The following ZNF503 variants were observed in gnomAD, a reference collection of about 807,000 sequenced individuals.
ZNF503 encodes NocA-like zinc finger 2.
In ZNF503, 15 loss-of-function variants were observed where a neutral mutation model predicts 34.4. That is an observed-to-expected ratio of 0.44 (90% CI 0.29 to 0.67). The LOEUF (loss-of-function observed/expected upper bound fraction) is 0.67. Ranked by LOEUF, ZNF503 falls within the 30% of genes least tolerant of loss-of-function variation. ZNF503 has a pLI of 0.13. For missense variants in ZNF503, 1,007 were observed against 926.8 expected (o/e 1.09, Z -1.12); for synonymous variants, 580 against 456.8 (o/e 1.27, Z -3.44).
chr10:75,346,951 C>T, the ZNF503 span, among the ~76,000 whole-genome samples: 4 of 152,084 alleles, frequency 2.6e-5, no homozygotes, highest in Non-Finnish European at 5.9e-5. Flanking sequence ...CCTGGCCAGG[C>T]GCCCCCATTT....
the ZNF503 span, among the ~76,000 whole-genome samples, chr10:75,333,571 T>G: frequency 1.2e-5 from 1 of 81,652 alleles, no homozygotes; most frequent in Non-Finnish European, 2.4e-5. Context: ...ACGGGGCAGC[T>G]GGCCGGGCGG....
the ZNF503 span, among the ~76,000 whole-genome samples, chr10:75,299,293 G>GT: frequency 5.9e-5 from 9 of 152,236 alleles, no homozygotes; most frequent in Admixed American, 1.3e-4. Flanking sequence ...TGAGGTAAGA[G>GT]TTTAAGTTTA....
At chr10:75,304,882 A>T in the ZNF503 span, among the ~76,000 whole-genome samples, 1 of 152,164 alleles carries the variant, frequency 6.6e-6, no homozygotes, top group South Asian at 2.1e-4. Context: ...CAAAACTAGA[A>T]CTCACAGATG....
the ZNF503 span, among the ~76,000 whole-genome samples, chr10:75,348,032 G>A: frequency 2.0e-5 from 3 of 151,338 alleles, no homozygotes; most frequent in Non-Finnish European, 4.4e-5. Flanking sequence ...ACAGGCACCC[G>A]CCACCACACC....
the ZNF503 span, among the ~76,000 whole-genome samples, chr10:75,329,112 G>C: frequency 6.6e-6 from 1 of 152,000 alleles, no homozygotes; most frequent in African/African-American, 2.4e-5. Context: ...AAAGATCATA[G>C]AGATCTTTTA....
chr10:75,369,118 C>A, the ZNF503 span, among the ~76,000 whole-genome samples: 1 of 152,124 alleles, frequency 6.6e-6, no homozygotes, highest in African/African-American at 2.4e-5. Flanking sequence ...AGTTGCAAAA[C>A]AGTGGGTATA....
At chr10:75,339,189 C>A in the ZNF503 span, among the ~76,000 whole-genome samples, 1 of 152,256 alleles carries the variant, frequency 6.6e-6, no homozygotes, top group South Asian at 2.1e-4. Flanking sequence ...CGAGATCGTG[C>A]CATTGCACTC....
In ZNF503 at chr10:75,399,683, A is replaced by T. The variant is rs765913693; in HGVS notation, c.1007T>A (p.Leu336Gln). Reference protein sequence around the residue: ...PTSSSVLGSGLVAPVSPYKPG... With the variant: ...PTSSSVLGSGQVAPVSPYKPG... ...CTTGTAGGGTGACACGGGAGCCACCAGCCCAGAGCCCAACACTGAGGAGGA... is the reference window on the plus strand; with the variant it reads ...CTTGTAGGGTGACACGGGAGCCACCTGCCCAGAGCCCAACACTGAGGAGGA... The change falls in exon 2 of 2, where the codon CTG becomes CAG. Residue 336 changes from leucine to glutamine, a missense_variant. By Grantham distance (113) the Leu-to-Gln change is moderately radical. Coordinates refer to ENST00000372524, the MANE Select transcript of ZNF503 (RefSeq NM_032772.6). 1 of 1,600,030 alleles carries T rather than the reference A, an allele frequency of 6.2e-7. No homozygotes were observed. The highest frequency in any genetic ancestry group is 8.5e-7 in the Non-Finnish European group (1 of 1,179,324).
the ZNF503 span, among the ~76,000 whole-genome samples, chr10:75,383,163 G>T: frequency 6.6e-6 from 1 of 152,174 alleles, no homozygotes; most frequent in Admixed American, 6.5e-5. Context: ...CCTGGGAGAA[G>T]GTTGGGCTTT....
chr10:75,375,898 G>C, the ZNF503 span, among the ~76,000 whole-genome samples: 1 of 152,180 alleles, frequency 6.6e-6, no homozygotes, highest in Non-Finnish European at 1.5e-5. Flanking sequence ...TGAAATGCAA[G>C]GGATTCTGGA....
chr10:75,401,185 T>A lies in ZNF503; in HGVS notation c.235A>T (p.Met79Leu). The A allele has an allele frequency of 6.2e-7, 1 of 1,609,972 alleles. No homozygotes were observed. Among genetic ancestry groups the A allele is most frequent in the Non-Finnish European group, 8.5e-7 (1 of 1,177,628 alleles). ...ANRLPIKVLK[M>L]LTARTGHILH... ...ATGTGGCCAGTTCGTGCCGTCAGCA[T>A]CTTCAGCACCTTGATTGGCAGGCGG... The change falls in exon 1 of 2, where the codon ATG becomes TTG. Residue 79 changes from methionine to leucine, a missense_variant. Met to Leu is a conservative substitution (Grantham distance 15, BLOSUM62 2). Transcript: ENST00000372524.
the ZNF503 span, among the ~76,000 whole-genome samples, chr10:75,379,966 T>C: frequency 6.6e-6 from 1 of 152,164 alleles, no homozygotes; most frequent in South Asian, 2.1e-4. Flanking sequence ...ACCCACAGCA[T>C]GGCCTGCTCA....
At chr10:75,279,859 T>C in the ZNF503 span, 1 of 152,194 alleles carries the variant, frequency 6.6e-6, no homozygotes, top group African/African-American at 2.4e-5. Flanking sequence ...ATAACTCACA[T>C]GGCAGAAGGC....
Position 75,401,495 on chromosome 10 carries a change from G to A in ZNF503, c.-76C>T, listed in dbSNP as rs1843821903. The A allele has an allele frequency of 2.1e-6, 3 of 1,457,838 alleles. No individual in the cohort carries two copies. Among genetic ancestry groups the A allele is most frequent in the East Asian group, 2.9e-5 (1 of 34,934 alleles). The allele number at this position is 1,457,838 out of a possible 1,614,324, so 90.3% of individuals were successfully genotyped here. On this transcript the variant is annotated 5_prime_UTR_variant, in exon 1 of 2. Transcript: ENST00000372524. ...GGGGCGGGCTCGGGGCTGCGCGCTC[G>A]CCCCGGGAGCAGGAGCAGCGGGAGG...
At chr10:75,381,900 G>A in the ZNF503 span, among the ~76,000 whole-genome samples, 1 of 129,470 alleles carries the variant, frequency 7.7e-6, no homozygotes, top group Admixed American at 9.7e-5. Context: ...TCTGCTTCCT[G>A]GGTTCAAGTG....
chr10:75,296,476 C>T, the ZNF503 span: 2 of 144,540 alleles, frequency 1.4e-5, no homozygotes, highest in African/African-American at 5.1e-5. Context: ...TCTTTCTGGG[C>T]CAAGTAGAGG....
At chr10:75,307,200 C>A in the ZNF503 span, among the ~76,000 whole-genome samples, 1 of 152,120 alleles carries the variant, frequency 6.6e-6, no homozygotes, top group African/African-American at 2.4e-5. Flanking sequence ...GCTGTAAATA[C>A]AAAAGAAAAG....
At chr10:75,346,461 T>G in the ZNF503 span, among the ~76,000 whole-genome samples, 2 of 151,358 alleles carry the variant, frequency 1.3e-5, no homozygotes, top group Non-Finnish European at 2.9e-5. Flanking sequence ...TTCAGGGTCT[T>G]GCTCTGTCAC....
At chr10:75,400,855 C>A (rs534077521) in intron 1 of ZNF503, 42 of 622,526 alleles carry the variant, frequency 6.7e-5, no homozygotes, top group Non-Finnish European at 4.1e-5. Flanking sequence ...GGGCCTGGGT[C>A]GGGGTAGGGG....
Sources: allele counts gnomAD v4.1 joint callset (sites outside exome capture counted in the v4.1 genomes callset), GRCh38; gene constraint gnomAD v4.1.1; transcripts MANE v1.5; gene names NCBI Gene and HGNC (gene_info 2026-07-23, HGNC 2026-07-21).